The following LTBP1 variants were observed in gnomAD, a reference collection of about 807,000 sequenced individuals.
LTBP1 encodes the protein latent-transforming growth factor beta-binding protein 1.
Under a neutral mutation model 207.6 loss-of-function variants are expected in LTBP1, and 129 were observed. The observed-to-expected ratio is 0.62, with a 90% CI of 0.54 to 0.72. The LOEUF is 0.72. Ranked by LOEUF, LTBP1 falls within the 30% of genes least tolerant of loss-of-function variation. LTBP1 has a pLI of 0.00. For missense variants in LTBP1, 2,281 were observed against 2,217.2 expected (o/e 1.03, Z -0.58); for synonymous variants, 963 against 833.7 (o/e 1.16, Z -2.67).
intron 11 of LTBP1, among the ~76,000 whole-genome samples, chr2:33,255,944 C>T (rs183787670): frequency 2.6e-5 from 4 of 152,270 alleles, no homozygotes; most frequent in Admixed American, 2.0e-4. Flanking sequence ...AACACCAACA[C>T]CAAAGGGATT....
At chr2:33,172,417 A>C (rs1364178837) in intron 5 of LTBP1, among the ~76,000 whole-genome samples, 1 of 152,220 alleles carries the variant, frequency 6.6e-6, no homozygotes. Flanking sequence ...AGGCCATTAC[A>C]TAATGGTAAA....
chr2:33,135,628 A>T (rs1457004950), intron 5 of LTBP1, among the ~76,000 whole-genome samples: 3 of 152,164 alleles, frequency 2.0e-5, no homozygotes, highest in African/African-American at 7.2e-5. Context: ...CTTTAAGTTA[A>T]TTTAAATATG....
intron 5 of LTBP1, among the ~76,000 whole-genome samples, chr2:33,151,883 C>T (rs376646984): frequency 7.1e-6 from 1 of 140,788 alleles, no homozygotes; most frequent in African/African-American, 2.7e-5. Context: ...GTGTGTATCA[C>T]AGTTTCTTTA....
chr2:33,391,073 C>CT (rs397968517), intron 32 of LTBP1, among the ~76,000 whole-genome samples: 10,795 of 145,290 alleles, frequency 0.074, 569 homozygotes, highest in African/African-American at 0.15. Flanking sequence ...TCCCCTCCAC[C>CT]TTTTTTTTTT....
intron 7 of LTBP1, among the ~76,000 whole-genome samples, chr2:33,212,174 G>T (rs1343549499): frequency 1.3e-5 from 2 of 152,202 alleles, no homozygotes; most frequent in Non-Finnish European, 2.9e-5. Flanking sequence ...TGTTCATACA[G>T]ATGTGCACAT....
In LTBP1 at chr2:33,299,166, C is replaced by T. The variant is rs548306850; in HGVS notation, c.3236-1285C>T. Among the ~76,000 whole-genome samples, 380 of 150,744 alleles carry T rather than the reference C, an allele frequency of 2.5e-3. 2 individuals are homozygous for T. The highest frequency in any genetic ancestry group is 8.8e-3 in the African/African-American group (361 of 40,978). On this transcript the variant is annotated intron_variant, in intron 20 of 33. Transcript: ENST00000404816. ...CTGAGGCAGGAGAATCGCTTGAACC[C>T]GGGAGACGGAGGTTGCAGTGAGCCG...
intron 22 of LTBP1, among the ~76,000 whole-genome samples, chr2:33,304,484 C>G (rs1385980438): frequency 6.6e-6 from 1 of 152,008 alleles, no homozygotes; most frequent in East Asian, 1.9e-4. Flanking sequence ...GTCCTGTCAT[C>G]CTGCTGGCCT....
intron 3 of LTBP1, among the ~76,000 whole-genome samples, chr2:33,095,512 T>TA (rs1044068007): frequency 1.3e-5 from 2 of 151,902 alleles, no homozygotes; most frequent in Admixed American, 1.3e-4. Flanking sequence ...TAGAGTAAGA[T>TA]AGAGAGTCTC....
chr2:33,209,517 C>T (rs909088179), intron 7 of LTBP1, among the ~76,000 whole-genome samples: 6 of 152,186 alleles, frequency 3.9e-5, no homozygotes, highest in African/African-American at 9.6e-5. Flanking sequence ...CCATGTTGTG[C>T]TTCTTAAGCA....
intron 19 of LTBP1, among the ~76,000 whole-genome samples, chr2:33,290,529 T>C (rs2093753716): frequency 6.6e-6 from 1 of 152,194 alleles, no homozygotes; most frequent in Non-Finnish European, 1.5e-5. Flanking sequence ...AAGTTTATTC[T>C]GTCTGCAAGC....
intron 21 of LTBP1, among the ~76,000 whole-genome samples, chr2:33,301,170 A>C (rs1265485258): frequency 6.6e-6 from 1 of 152,196 alleles, no homozygotes; most frequent in Non-Finnish European, 1.5e-5. Context: ...GAAATACTTC[A>C]CTTCCCAATA....
At chr2:33,020,825 T>G in intron 2 of LTBP1, 84 bp from the exon 3 acceptor site, 2 of 1,323,924 alleles carry the variant, frequency 1.5e-6, no homozygotes, top group Non-Finnish European at 2.1e-6. Flanking sequence ...ACAAACAACC[T>G]GATGCTACTG....
chr2:33,274,731 A>G (rs2093391688), intron 16 of LTBP1, among the ~76,000 whole-genome samples: 2 of 152,128 alleles, frequency 1.3e-5, no homozygotes, highest in Admixed American at 1.3e-4. Flanking sequence ...TTGAAACACC[A>G]GTGTCATGGT....
intron 4 of LTBP1, among the ~76,000 whole-genome samples, chr2:33,131,244 A>G (rs1455158890): frequency 6.6e-6 from 1 of 152,186 alleles, no homozygotes; most frequent in Non-Finnish European, 1.5e-5. Flanking sequence ...AAGACATGCA[A>G]AGAAGATGCT....
chr2:33,270,019 C>T (rs181079376), intron 15 of LTBP1, among the ~76,000 whole-genome samples: 3 of 148,054 alleles, frequency 2.0e-5, no homozygotes, highest in South Asian at 4.3e-4. Context: ...AGGGTTCAAG[C>T]GATTCTCCTG....
At chr2:33,024,524 G>T (rs2075323400) in intron 3 of LTBP1, among the ~76,000 whole-genome samples, 1 of 152,218 alleles carries the variant, frequency 6.6e-6, no homozygotes, top group Admixed American at 6.5e-5. Flanking sequence ...GGCAGGTGGG[G>T]ATTAGATGAA....
At chr2:33,188,965 A>G (rs1573061676) in intron 7 of LTBP1, 114 bp downstream of exon 7, 1 of 1,229,594 alleles carries the variant, frequency 8.1e-7, no homozygotes, top group Non-Finnish European at 1.1e-6. Flanking sequence ...TTGACAAACT[A>G]TGACTTGTGG....
At chr2:33,056,493 GTCT>G (rs2077006523) in intron 3 of LTBP1, 1 of 778,172 alleles carries the variant, frequency 1.3e-6, no homozygotes. Flanking sequence ...GATGATGCGC[GTCT>G]TCTTCTTGTC....
At chr2:32,951,711 GAA>G (rs546879837) in intron 2 of LTBP1, among the ~76,000 whole-genome samples, 7 of 151,790 alleles carry the variant, frequency 4.6e-5, no homozygotes, top group African/African-American at 1.7e-4. Flanking sequence ...GTATTAAGAT[GAA>G]AAAAAATGGG....
Sources: gnomAD v4.1 joint callset for allele counts (sites outside exome capture counted in the v4.1 genomes callset) on GRCh38, gnomAD v4.1.1 for gene constraint, MANE v1.5 for transcripts, NCBI Gene and HGNC (gene_info 2026-07-23, HGNC 2026-07-21) for gene names.